Variants in PTPRN observed in about 807,000 individuals in gnomAD.
PTPRN encodes the protein receptor-type tyrosine-protein phosphatase-like N.
Under a neutral mutation model 108.5 loss-of-function variants are expected in PTPRN, and 70 were observed. That is an observed-to-expected ratio of 0.65 (90% CI 0.53 to 0.79). The LOEUF (loss-of-function observed/expected upper bound fraction) is 0.79, where lower values mean the gene tolerates loss of function less well. Ranked by LOEUF, PTPRN falls within the 30% of genes least tolerant of loss-of-function variation. The pLI, the probability that PTPRN is intolerant of heterozygous loss-of-function variation, is 0.00. For missense variants in PTPRN, 1,136 were observed against 1,295.5 expected (o/e 0.88, Z 1.89); for synonymous variants, 496 against 524.6 (o/e 0.95, Z 0.75).
At position 219,290,163 on chromosome 2, in the gene PTPRN, A is replaced by C; in HGVS notation, c.*63T>G. 4 of 1,446,834 alleles carry C rather than the reference A, an allele frequency of 2.8e-6. No homozygotes were observed. Among genetic ancestry groups the C allele is most frequent in the Non-Finnish European group, 3.9e-6 (4 of 1,029,134 alleles). The allele number at this position is 1,446,834 out of a possible 1,614,324, so 89.6% of individuals were successfully genotyped here. On this transcript the variant is annotated 3_prime_UTR_variant, in exon 23 of 23. Transcript: ENST00000295718. This position sits in a 1 kb window ranked among gnomAD's most constrained non-coding sequence, Gnocchi z 4.2. ...GTGGGGCAGTGAGGAGTGGGTACAC[A>C]GAGATGCTCACACAGGCAAAGAGGG... is the stretch of plus-strand genomic sequence containing the variant.
Position 219,297,210 on chromosome 2 carries a change from CTG to C in PTPRN, c.2088+21_2088+22del. ...TCACCATCCCATTCCTTCACCCACT[CTG>C]GGCCCAGGCCCTGTCCTGACCAGAA... On this transcript the variant is annotated intron_variant, in intron 14 of 22. Transcript: ENST00000295718. The surrounding 1 kb of genome is among the most constrained non-coding windows in gnomAD (Gnocchi z 6.0). 6.2e-7 allele frequency: 1 copy of C among 1,611,400 alleles called. No homozygotes were observed. The highest frequency in any genetic ancestry group is 1.1e-5 in the South Asian group (1 of 90,874).
rs374948333 is a variant in PTPRN, at chr2:219,306,151, AAAC to A, written c.280+1290_280+1292del. On this transcript the variant is annotated intron_variant, in intron 3 of 22. Coordinates refer to ENST00000295718, the MANE Select transcript of PTPRN (RefSeq NM_002846.4). ...GGGTGACACAGCAAGACTCTGTCTC[AAAC>A]AACAACAACAACAATCAACAAACAA... Among the ~76,000 whole-genome samples the A allele has an allele frequency of 5.4e-3, 819 of 152,228 alleles. 7 individuals are homozygous for A. The highest frequency in any genetic ancestry group is 0.018 in the African/African-American group (752 of 41,554).
At chr2:219,300,415 T>C (rs1221591255) in intron 8 of PTPRN, 156 bp from the exon 9 acceptor site, 6 of 685,478 alleles carry the variant, frequency 8.8e-6, no homozygotes, top group Non-Finnish European at 1.4e-5. Flanking sequence ...CACCAGAGCA[T>C]CTGAGACAAG....
At position 219,293,978 on chromosome 2, in the gene PTPRN, C is replaced by T. The variant is rs577620707; in HGVS notation, c.2675+997G>A. On this transcript the variant is annotated intron_variant, in intron 19 of 22. Coordinates refer to ENST00000295718, the MANE Select transcript of PTPRN (RefSeq NM_002846.4). ...TCAGGTAGCCCCTGTCTAGTCCCCACCTGCTCCACTGAGCCCCCCAGAATC... is the reference window on the plus strand; with the variant it reads ...TCAGGTAGCCCCTGTCTAGTCCCCATCTGCTCCACTGAGCCCCCCAGAATC... 52 of 446,068 alleles carry T rather than the reference C, an allele frequency of 1.2e-4. No individual in the cohort carries two copies. The East Asian group carries it at 3.5e-3, about 30-fold the overall frequency. The allele number at this position is 446,068 out of a possible 1,614,324, so 27.6% of individuals were successfully genotyped here.
chr2:219,294,988 G>A lies in PTPRN; in HGVS notation c.2662C>T (p.Leu888=). 6.3e-7 allele frequency: 1 copy of A among 1,595,866 alleles called. No homozygotes were observed. The highest frequency in any genetic ancestry group is 8.5e-7 in the Non-Finnish European group (1 of 1,172,116). Residue 888 remains leucine, a synonymous_variant, in exon 19 of 23, where the codon CTG becomes TTG. Transcript: ENST00000295718. ...EGTPASTRPL[L]DFRRKVNKCY... ...GCCCGCGCTCACCTGCGGAAGTCCAGCAGGGGCCGCGTGGAGGCCGGTGTG... is the reference window on the plus strand; with the variant it reads ...GCCCGCGCTCACCTGCGGAAGTCCAACAGGGGCCGCGTGGAGGCCGGTGTG...
chr2:219,304,138 GTTA>G (rs1260606510), intron 3 of PTPRN: 1 of 219,528 alleles, frequency 4.6e-6, no homozygotes, highest in African/African-American at 2.3e-5. Context: ...TCCTAGGATT[GTTA>G]TTATCATTAA....
intron 19 of PTPRN, chr2:219,294,190 G>C (rs759693204): frequency 6.1e-6 from 3 of 492,780 alleles, no homozygotes; most frequent in South Asian, 4.5e-5. Context: ...AATGACACTG[G>C]CAGCTGTGAG....
Position 219,296,013 on chromosome 2 carries a change from CTGTAAACAGG to C in PTPRN, c.2508+203_2508+212del. The stretch of plus-strand genomic sequence containing the variant: ...ACACACACACACACACATGTATGTT[CTGTAAACAGG>C]ACACACACATGTATATATGTGAATA... On this transcript the variant is annotated intron_variant, in intron 18 of 22. Coordinates refer to ENST00000295718, the MANE Select transcript of PTPRN (RefSeq NM_002846.4). This position sits in a 1 kb window ranked among gnomAD's most constrained non-coding sequence, Gnocchi z 6.0. The C allele has an allele frequency of 1.6e-6, 1 of 632,446 alleles. No individual in the cohort carries two copies. The highest frequency in any genetic ancestry group is 2.6e-6 in the Non-Finnish European group (1 of 378,612). 39.2% of individuals were successfully genotyped at this position (632,446 alleles called of 1,614,324 possible).
At chr2:219,301,801 G>A (rs927718618) in intron 6 of PTPRN, 82 bp from the exon 7 acceptor site, 21 of 1,468,718 alleles carry the variant, frequency 1.4e-5, no homozygotes, top group Middle Eastern at 1.9e-4. Flanking sequence ...GGGTGGGAAG[G>A]GACTAGCATG....
In PTPRN at chr2:219,301,715, C is replaced by T. The variant is rs13432523; in HGVS notation, c.999G>A (p.Ala333=). 1,192 of 1,608,114 alleles carry T rather than the reference C, an allele frequency of 7.4e-4. 8 individuals carry two copies. The African/African-American group carries it at 0.014, about 19-fold the overall frequency. ...GCACAGCGGCCAGCCTCTGCAGAGCCGCATCTGCTGGGAGCCAGACACAGA... is the reference window on the plus strand; with the variant it reads ...GCACAGCGGCCAGCCTCTGCAGAGCTGCATCTGCTGGGAGCCAGACACAGA... ...KPASPAVQPD[A]ALQRLAAVLA... is the part of the protein sequence containing the mutation. The change falls in exon 7 of 23, where the codon GCG becomes GCA. Residue 333 remains alanine (A), a synonymous_variant. Coordinates refer to ENST00000295718, the MANE Select transcript of PTPRN (RefSeq NM_002846.4).
rs368807730 is a variant in PTPRN at position 219,299,621 on chromosome 2, C to T, written c.1523+79G>A. On this transcript the variant is annotated intron_variant, in intron 10 of 22. Coordinates refer to ENST00000295718, the MANE Select transcript of PTPRN (RefSeq NM_002846.4). Reference sequence around the variant, plus strand: ...CTCAGAGCTTGTCTGCTCTTCCTCCCGCAGGCCCCTCCAGCCACCTCCTTG... The same window carrying T: ...CTCAGAGCTTGTCTGCTCTTCCTCCTGCAGGCCCCTCCAGCCACCTCCTTG... 2.4e-5 allele frequency: 34 copies of T among 1,392,162 alleles called. No homozygotes were observed. The Admixed American group carries it at 3.3e-4, about 13-fold the overall frequency. 86.2% of individuals were successfully genotyped at this position (1,392,162 alleles called of 1,614,324 possible). A position where few individuals can be genotyped will look rare whatever the true frequency, so the allele number is the denominator to read the frequency against.
chr2:219,298,898 G>A (rs1952269745), intron 12 of PTPRN, 149 bp downstream of exon 12: 3 of 838,700 alleles, frequency 3.6e-6, no homozygotes, highest in African/African-American at 3.3e-5. Flanking sequence ...GAGAACTGCG[G>A]GGAGGGGCTG....
At chr2:219,309,181 G>T in intron 1 of PTPRN, 37 bp downstream of exon 1, 1 of 628,484 alleles carries the variant, frequency 1.6e-6, no homozygotes. Flanking sequence ...GCTGCTCCCC[G>T]CCCCCCACCA....
Position 219,290,090 on chromosome 2 carries a change from C to T in PTPRN, c.*136G>A, listed in dbSNP as rs1199483961. 2.5e-5 allele frequency: 21 copies of T among 852,362 alleles called. No homozygotes were observed. Among genetic ancestry groups the T allele is most frequent in the Non-Finnish European group, 3.2e-5 (17 of 532,894 alleles). 52.8% of individuals were successfully genotyped at this position (852,362 alleles called of 1,614,324 possible). ...GGCAGGCGTGCCCCTTCTGGCTTTC[C>T]CTTCCTGACTCTTCTAGGAAGGGCT... On this transcript the variant is annotated 3_prime_UTR_variant, in exon 23 of 23. Transcript: ENST00000295718. This position sits in a 1 kb window ranked among gnomAD's most constrained non-coding sequence, Gnocchi z 4.2.
At position 219,309,212 on chromosome 2, in the gene PTPRN, C is replaced by G; in HGVS notation, c.115+6G>C. 6.9e-7 allele frequency: 1 copy of G among 1,448,534 alleles called. No individual in the cohort carries two copies. The highest frequency in any genetic ancestry group is 1.2e-5 in the South Asian group (1 of 82,422). The allele number at this position is 1,448,534 out of a possible 1,614,324, so 89.7% of individuals were successfully genotyped here. ...CACCACCCGCCAGCCCAAGTTTCCT[C>G]CTGACCGTGGGCACTAACGGCGCTG... is the stretch of plus-strand genomic sequence containing the variant. On this transcript the variant is annotated splice_donor_region_variant and intron_variant, in intron 1 of 22. Transcript: ENST00000295718.
At chr2:219,302,007 T>C (rs1952360660) in intron 6 of PTPRN, 130 bp downstream of exon 6, 1 of 935,450 alleles carries the variant, frequency 1.1e-6, no homozygotes, top group Non-Finnish European at 1.6e-6. Context: ...AGCTTGTCAG[T>C]AGACATTCCT....
At position 219,302,261 on chromosome 2, in the gene PTPRN, C is replaced by T. The variant is rs1472437432; in HGVS notation, c.870G>A (p.Arg290=). The change falls in exon 6 of 23, where the codon AGG becomes AGA. Residue 290 remains arginine, a synonymous_variant. Coordinates refer to ENST00000295718, the MANE Select transcript of PTPRN (RefSeq NM_002846.4). ...YLAQELPAPS[R]ARVPRLPEQG... Reference sequence around the variant, plus strand: ...GCTCTGGCAGCCTTGGCACCCTGGCCCTGCTGGGTGCTGGCAACTCCTGGG... The same window carrying T: ...GCTCTGGCAGCCTTGGCACCCTGGCTCTGCTGGGTGCTGGCAACTCCTGGG... The T allele has an allele frequency of 2.5e-6, 4 of 1,614,186 alleles. No individual in the cohort carries two copies. The highest frequency in any genetic ancestry group is 2.7e-5 in the African/African-American group (2 of 75,056).
In PTPRN at chr2:219,296,713, G is replaced by A; in HGVS notation, c.2310+36C>T. On this transcript the variant is annotated intron_variant, in intron 16 of 22. Transcript: ENST00000295718. This position sits in a 1 kb window ranked among gnomAD's most constrained non-coding sequence, Gnocchi z 6.0. ...GAGTGCATAGGGCCAGGATAATGAT[G>A]GGGCAGAGGTGGGGGCTGGAGTCAG... 2 of 1,610,286 alleles carry A rather than the reference G, an allele frequency of 1.2e-6. No individual in the cohort carries two copies. The highest frequency in any genetic ancestry group is 1.7e-6 in the Non-Finnish European group (2 of 1,177,730).
In PTPRN at chr2:219,296,098, T is replaced by C; in HGVS notation, c.2508+128A>G. On this transcript the variant is annotated intron_variant, in intron 18 of 22. Coordinates refer to ENST00000295718, the MANE Select transcript of PTPRN (RefSeq NM_002846.4). This position sits in a 1 kb window ranked among gnomAD's most constrained non-coding sequence, Gnocchi z 6.0. ...TATATATTCATATATGTATGAATCATGAGCAGGGCCAATAAAAGCCTTTTT... is the reference window on the plus strand; with the variant it reads ...TATATATTCATATATGTATGAATCACGAGCAGGGCCAATAAAAGCCTTTTT... 1 of 1,321,500 alleles carries C rather than the reference T, an allele frequency of 7.6e-7. No homozygotes were observed. Among genetic ancestry groups the C allele is most frequent in the African/African-American group, 1.5e-5 (1 of 68,184 alleles). 81.9% of individuals were successfully genotyped at this position (1,321,500 alleles called of 1,614,324 possible). A position where few individuals can be genotyped will look rare whatever the true frequency, so the allele number is the denominator to read the frequency against.
Sources: allele counts gnomAD v4.1 joint callset (sites outside exome capture counted in the v4.1 genomes callset), GRCh38; gene constraint gnomAD v4.1.1; non-coding constraint Gnocchi (gnomAD v3.1); transcripts MANE v1.5; gene names NCBI Gene and HGNC (gene_info 2026-07-23, HGNC 2026-07-21).